RAI1: variants seen among roughly 807,000 people sequenced by gnomAD.
The protein encoded by RAI1 is retinoic acid induced 1.
Under a neutral mutation model 123.8 loss-of-function variants are expected in RAI1, and 9 were observed. That is an observed-to-expected ratio of 0.07 (90% CI 0.04 to 0.13). RAI1 has a LOEUF of 0.13. Ranked by LOEUF, RAI1 falls within the 10% of genes least tolerant of loss-of-function variation. The pLI is 1.00. For synonymous variants in RAI1, 1,231 were observed against 1,127.3 expected (o/e 1.09, Z -1.84); for missense variants, 2,256 against 2,545.8 (o/e 0.89, Z 2.45).
intron 1 of RAI1, among the ~76,000 whole-genome samples, chr17:17,722,759 G>A (rs994557630): frequency 6.6e-6 from 1 of 152,216 alleles, no homozygotes; most frequent in African/African-American, 2.4e-5. Context: ...GGACCGCGGG[G>A]CCGGCAAGCG....
rs371806740 is a variant in RAI1, at chr17:17,795,004, C to T, written c.2056C>T (p.Leu686=). The change falls in exon 3 of 6, where the codon CTG becomes TTG. Residue 686 remains leucine, a synonymous_variant. Transcript: ENST00000353383. This position sits in a 1 kb window ranked among gnomAD's most constrained non-coding sequence, Gnocchi z 5.9. ...CAATGCCAAGGACTTCAGCCCAGGG[C>T]TGTTTGAAGACCCTTCCGTGGCCTT... The part of the protein sequence containing the change: ...GGNAKDFSPG[L]FEDPSVAFAT... 8 of 1,613,988 alleles carry T rather than the reference C, an allele frequency of 5.0e-6. No individual in the cohort carries two copies. The highest frequency in any genetic ancestry group is 1.3e-5 in the African/African-American group (1 of 74,968).
At chr17:17,682,977 A>ACACTCTCCCGCGCCGCC (rs1914493723) in intron 1 of RAI1, among the ~76,000 whole-genome samples, 2 of 151,766 alleles carry the variant, frequency 1.3e-5, no homozygotes, top group African/African-American at 4.8e-5. Context: ...CGCGCGCCGC[A>ACACTCTCCCGCGCCGCC]CACTCTCCCG....
At chr17:17,780,889 G>A (rs2031552301) in intron 2 of RAI1, among the ~76,000 whole-genome samples, 1 of 152,150 alleles carries the variant, frequency 6.6e-6, no homozygotes, top group South Asian at 2.1e-4. Flanking sequence ...TCCCCTTCTG[G>A]GCCAGCCTTG....
chr17:17,788,134 TG>T (rs949565841), intron 2 of RAI1, among the ~76,000 whole-genome samples: 3 of 152,012 alleles, frequency 2.0e-5, no homozygotes, highest in Non-Finnish European at 1.5e-5. Flanking sequence ...TCCTTGAGCA[TG>T]GGGGGGCCAT....
intron 2 of RAI1, among the ~76,000 whole-genome samples, chr17:17,785,710 G>C (rs992568129): frequency 2.6e-5 from 4 of 152,096 alleles, no homozygotes; most frequent in Admixed American, 2.6e-4. Context: ...CTCCTGCACG[G>C]GTCTGCCCTG....
chr17:17,708,226 C>T (rs1266295628), intron 1 of RAI1, among the ~76,000 whole-genome samples: 4 of 152,158 alleles, frequency 2.6e-5, no homozygotes, highest in Non-Finnish European at 4.4e-5. Context: ...TATATTGACC[C>T]TGAGGTGGCA....
chr17:17,790,833 C>T (rs1019215195), intron 2 of RAI1, among the ~76,000 whole-genome samples: 9 of 152,168 alleles, frequency 5.9e-5, no homozygotes, highest in African/African-American at 1.9e-4. Context: ...TCGGCCTGGG[C>T]ACAGGCCCGC....
Position 17,809,834 on chromosome 17 carries a change from C to T in RAI1, c.5710-136C>T, listed in dbSNP as rs779624723. 2 of 1,238,248 alleles carry T rather than the reference C, an allele frequency of 1.6e-6. No homozygotes were observed. The highest frequency in any genetic ancestry group is 2.3e-6 in the Non-Finnish European group (2 of 877,328). The allele number at this position is 1,238,248 out of a possible 1,614,324, so 76.7% of individuals were successfully genotyped here. A position where few individuals can be genotyped will look rare whatever the true frequency, so the allele number is the denominator to read the frequency against. ...GGGCCAGAAGGGGTGGTGCCGACGGCCTCGGGCGGAGACCCCAGCCGCGCT... is the reference window on the plus strand; with the variant it reads ...GGGCCAGAAGGGGTGGTGCCGACGGTCTCGGGCGGAGACCCCAGCCGCGCT... On this transcript the variant is annotated intron_variant, in intron 5 of 5. Transcript: ENST00000353383. This position sits in a 1 kb window ranked among gnomAD's most constrained non-coding sequence, Gnocchi z 4.9.
At chr17:17,785,322 A>G (rs550416858) in intron 2 of RAI1, among the ~76,000 whole-genome samples, 1 of 152,158 alleles carries the variant, frequency 6.6e-6, no homozygotes, top group Non-Finnish European at 1.5e-5. Flanking sequence ...GTTGGGGGTT[A>G]AATGCACTCA....
At chr17:17,704,772 G>A (rs1915341667) in intron 1 of RAI1, among the ~76,000 whole-genome samples, 1 of 150,292 alleles carries the variant, frequency 6.7e-6, no homozygotes, top group South Asian at 2.2e-4. Context: ...TGGTGGTGGT[G>A]TTTGAGATGT....
Position 17,793,618 on chromosome 17 carries a change from T to A in RAI1, c.670T>A (p.Ser224Thr). ...QSFPTSSTYS[S>T]SVQGGGQGAH... ...CTTCCCCACCTCCTCCACCTACTCC[T>A]CCTCTGTCCAGGGTGGTGGGCAGGG... Residue 224 changes from serine to threonine, a missense_variant, in exon 3 of 6, where the codon TCC (serine) becomes ACC (threonine). Ser to Thr is a moderately conservative substitution (Grantham distance 58). Coordinates refer to ENST00000353383, the MANE Select transcript of RAI1 (RefSeq NM_030665.4). The A allele has an allele frequency of 1.2e-6, 2 of 1,613,268 alleles. No homozygotes were observed. Among genetic ancestry groups the A allele is most frequent in the Non-Finnish European group, 1.7e-6 (2 of 1,179,932 alleles).
chr17:17,754,191 C>CT (rs1158475382), intron 2 of RAI1, among the ~76,000 whole-genome samples: 2,457 of 75,680 alleles, frequency 0.032, 510 homozygotes, highest in East Asian at 0.053. Context: ...CTAACCCAAT[C>CT]TTTTTTTTTT....
chr17:17,762,839 A>T (rs987130798), intron 2 of RAI1, among the ~76,000 whole-genome samples: 1 of 147,346 alleles, frequency 6.8e-6, no homozygotes, highest in Non-Finnish European at 1.5e-5. Flanking sequence ...ACTCCTGCCC[A>T]CACTGCCCAC....
chr17:17,712,642 G>T (rs1287296594), intron 1 of RAI1, among the ~76,000 whole-genome samples: 2 of 152,190 alleles, frequency 1.3e-5, no homozygotes, highest in Non-Finnish European at 2.9e-5. Context: ...GGGCAAGGAT[G>T]GGCCTAGGAG....
At chr17:17,706,720 C>T (rs975605155) in intron 1 of RAI1, among the ~76,000 whole-genome samples, 3 of 152,256 alleles carry the variant, frequency 2.0e-5, no homozygotes, top group Admixed American at 2.0e-4. Flanking sequence ...CCCCTCCTGC[C>T]CATAGACAAA....
At chr17:17,725,804 A>T (rs888964463) in intron 2 of RAI1, among the ~76,000 whole-genome samples, 1 of 152,110 alleles carries the variant, frequency 6.6e-6, no homozygotes, top group Non-Finnish European at 1.5e-5. Flanking sequence ...GGTGAAGGCA[A>T]TTCCTCTCCC....
intron 2 of RAI1, among the ~76,000 whole-genome samples, chr17:17,740,784 G>A (rs916520823): frequency 5.3e-5 from 8 of 152,116 alleles, no homozygotes; most frequent in Non-Finnish European, 8.8e-5. Flanking sequence ...TGCCCACCCC[G>A]GCAAGCCCCA....
chr17:17,711,126 C>T (rs1455217422), intron 1 of RAI1, among the ~76,000 whole-genome samples: 1 of 152,168 alleles, frequency 6.6e-6, no homozygotes, highest in African/African-American at 2.4e-5. Context: ...GGTAGGGAGG[C>T]GGGGCTGAGC....
At chr17:17,698,831 C>T (rs1235455951) in intron 1 of RAI1, among the ~76,000 whole-genome samples, 1 of 152,202 alleles carries the variant, frequency 6.6e-6, no homozygotes, top group Non-Finnish European at 1.5e-5. Flanking sequence ...CTACTGTGTG[C>T]CAGGCACTGA....
Sources: allele counts gnomAD v4.1 joint callset (sites outside exome capture counted in the v4.1 genomes callset), GRCh38; gene constraint gnomAD v4.1.1; non-coding constraint Gnocchi (gnomAD v3.1); transcripts MANE v1.5; gene names NCBI Gene and HGNC (gene_info 2026-07-23, HGNC 2026-07-21).